EBF1: variants seen among roughly 807,000 people sequenced by gnomAD.
EBF1 encodes the protein EBF transcription factor 1.
Under a neutral mutation model 68.4 loss-of-function variants are expected in EBF1, and 10 were observed. The observed-to-expected ratio is 0.15, with a 90% CI of 0.09 to 0.25. The LOEUF is 0.25. Among genes scored for constraint, EBF1 ranks in the 10% least tolerant of loss-of-function variants. EBF1 has a pLI of 1.00. For synonymous variants in EBF1, 298 were observed against 299.8 expected, an observed-to-expected ratio of 0.99 and a Z score of 0.06; for missense variants, 509 against 794.4, an observed-to-expected ratio of 0.64 and a Z score of 4.32.
At chr5:158,820,248 G>A (rs577275184) in intron 8 of EBF1, among the ~76,000 whole-genome samples, 4 of 152,094 alleles carry the variant, frequency 2.6e-5, no homozygotes, top group Admixed American at 6.6e-5. Flanking sequence ...CTCACCATGC[G>A]GTAGCTGTTT....
At chr5:158,955,242 G>C (rs901733873) in intron 6 of EBF1, among the ~76,000 whole-genome samples, 1 of 152,074 alleles carries the variant, frequency 6.6e-6, no homozygotes, top group African/African-American at 2.4e-5. Flanking sequence ...AGAATCGCTT[G>C]AATCCGGGAG....
intron 7 of EBF1, among the ~76,000 whole-genome samples, chr5:158,833,337 C>T (rs1455700554): frequency 6.6e-6 from 1 of 151,928 alleles, no homozygotes; most frequent in Non-Finnish European, 1.5e-5. Context: ...TTTTCATCTC[C>T]CACCCCACAC....
intron 6 of EBF1, among the ~76,000 whole-genome samples, chr5:159,028,977 A>G (rs1262300957): frequency 1.3e-5 from 2 of 152,204 alleles, no homozygotes; most frequent in Admixed American, 1.3e-4. Context: ...AAATGGAAGA[A>G]TCAATCATAC....
intron 1 of EBF1, among the ~76,000 whole-genome samples, chr5:159,098,411 T>C (rs1783033695): frequency 6.6e-6 from 1 of 151,792 alleles, no homozygotes; most frequent in Non-Finnish European, 1.5e-5. Context: ...AGAATTAAAG[T>C]TGGGAGTTGC....
intron 6 of EBF1, among the ~76,000 whole-genome samples, chr5:158,935,140 A>T (rs1249164492): frequency 2.0e-5 from 3 of 152,190 alleles, no homozygotes; most frequent in Admixed American, 2.0e-4. Context: ...TTTGGCCTCA[A>T]TGGAGGTGCT....
chr5:158,926,003 C>A (rs1809620024), intron 6 of EBF1, among the ~76,000 whole-genome samples: 2 of 152,146 alleles, frequency 1.3e-5, no homozygotes, highest in Admixed American at 1.3e-4. Flanking sequence ...AGAGGAATTT[C>A]TTTCAATAGC....
At chr5:158,935,695 A>G (rs1434787535) in intron 6 of EBF1, among the ~76,000 whole-genome samples, 1 of 152,210 alleles carries the variant, frequency 6.6e-6, no homozygotes, top group African/African-American at 2.4e-5. Context: ...CACTATAATG[A>G]GCCATTTCTT....
chr5:158,796,489 C>A lies in EBF1; in HGVS notation c.779-14G>T, dbSNP rs748759569. On this transcript the variant is annotated splice_polypyrimidine_tract_variant and intron_variant, in intron 8 of 15. Transcript: ENST00000313708. ...TACAGGGAGTAGCTGCTTTTCAACA[C>A]ACATGAAAAAGAGAAGGAGTCTGCT... 6.2e-7 allele frequency: 1 copy of A among 1,606,732 alleles called. No homozygotes were observed.
At chr5:158,801,726 A>C (rs1029458048) in intron 8 of EBF1, among the ~76,000 whole-genome samples, 1 of 151,988 alleles carries the variant, frequency 6.6e-6, no homozygotes, top group African/African-American at 2.4e-5. Flanking sequence ...TTTAACAACT[A>C]ATGTTCTGTG....
At position 158,839,297 on chromosome 5, in the gene EBF1, G is replaced by A. The variant is rs1388967892; in HGVS notation, c.636+732C>T. Among the ~76,000 whole-genome samples the A allele has an allele frequency of 5.3e-5, 8 of 152,224 alleles. No individual in the cohort carries two copies. In the East Asian group the frequency reaches 1.5e-3, roughly 29 times the overall value. On this transcript the variant is annotated intron_variant, in intron 7 of 15. Transcript: ENST00000313708. The stretch of plus-strand genomic sequence containing the variant: ...TCCAAAATTGGAAGAGGTGAGCAGA[G>A]AGAAGCAAAGGAAGAGAAAGCCATT...
At chr5:158,968,416 C>A (rs923021361) in intron 6 of EBF1, among the ~76,000 whole-genome samples, 2 of 152,196 alleles carry the variant, frequency 1.3e-5, no homozygotes, top group African/African-American at 2.4e-5. Context: ...AAACTGTGAA[C>A]TTACAAAGTG....
At chr5:159,021,670 C>CT (rs1561814439) in intron 6 of EBF1, among the ~76,000 whole-genome samples, 1 of 152,342 alleles carries the variant, frequency 6.6e-6, no homozygotes, top group South Asian at 2.1e-4. Context: ...AATTCCCAGT[C>CT]TTTTTGTCGG....
rs58435135 is a variant in EBF1 at position 158,695,988 on chromosome 5, CAAAA to C, written c.*3119_*3122del. Reference sequence around the variant, plus strand: ...AAAGTTTTTACAGCTTGAATTTTTGCAAAAAAAAAAAAAAAATTTAACAATCTCT... The same window carrying C: ...AAAGTTTTTACAGCTTGAATTTTTGCAAAAAAAAAAAATTTAACAATCTCT... On this transcript the variant is annotated 3_prime_UTR_variant, in exon 16 of 16. Coordinates refer to ENST00000313708, the MANE Select transcript of EBF1 (RefSeq NM_024007.5). 7 of 151,400 alleles carry C rather than the reference CAAAA, an allele frequency of 4.6e-5. No homozygotes were observed. The highest frequency in any genetic ancestry group is 9.9e-5 in the Non-Finnish European group (7 of 70,680). The allele number at this position is 151,400 out of a possible 1,614,324, so 9.4% of individuals were successfully genotyped here.
At chr5:158,986,353 T>C (rs1424817579) in intron 6 of EBF1, 2 of 152,202 alleles carry the variant, frequency 1.3e-5, no homozygotes, top group African/African-American at 4.8e-5. Context: ...AAAGAGTCAC[T>C]TCTATCTCCT....
intron 6 of EBF1, among the ~76,000 whole-genome samples, chr5:159,046,737 C>T (rs1584239000): frequency 6.6e-6 from 1 of 152,124 alleles, no homozygotes; most frequent in African/African-American, 2.4e-5. Flanking sequence ...ATCTGAGAAA[C>T]CTAAGATTGG....
intron 6 of EBF1, among the ~76,000 whole-genome samples, chr5:159,054,484 G>A (rs191507459): frequency 1.3e-4 from 20 of 152,144 alleles, no homozygotes; most frequent in Admixed American, 9.8e-4. Context: ...CGTCTCCTCT[G>A]CACATAGAAA....
intron 6 of EBF1, among the ~76,000 whole-genome samples, chr5:158,940,511 G>T (rs1306692479): frequency 6.6e-6 from 1 of 152,114 alleles, no homozygotes; most frequent in Non-Finnish European, 1.5e-5. Flanking sequence ...CTTCCCCAAG[G>T]CCAGACAGCT....
chr5:159,015,746 T>A (rs1470952470), intron 6 of EBF1, among the ~76,000 whole-genome samples: 1 of 152,216 alleles, frequency 6.6e-6, no homozygotes, highest in Non-Finnish European at 1.5e-5. Flanking sequence ...ACGGTCCGCA[T>A]CTTTGTGTCC....
intron 6 of EBF1, among the ~76,000 whole-genome samples, chr5:158,984,496 TA>T (rs1758578955): frequency 6.6e-6 from 1 of 152,224 alleles, no homozygotes; most frequent in Admixed American, 6.5e-5. Context: ...GAGCATTAAA[TA>T]ATATGGAATC....
Sources: gnomAD v4.1 joint callset for allele counts (sites outside exome capture counted in the v4.1 genomes callset) on GRCh38, gnomAD v4.1.1 for gene constraint, MANE v1.5 for transcripts, NCBI Gene and HGNC (gene_info 2026-07-23, HGNC 2026-07-21) for gene names.